Variants in EYS observed in about 807,000 individuals in gnomAD.
EYS encodes the protein EGF-like photoreceptor maintenance factor, also known as protein eyes shut homolog.
A neutral mutation model predicts 282.1 loss-of-function variants in EYS; 250 were observed. The observed-to-expected ratio is 0.89, with a 90% confidence interval of 0.80 to 0.98. The LOEUF is 0.98. EYS is among the 50% of genes least tolerant of loss of function. The pLI is 0.00. For synonymous variants in EYS, 1,355 were observed against 1,282.9 expected (o/e 1.06, Z -1.20); for missense variants, 4,016 against 3,709.0 (o/e 1.08, Z -2.15).
intron 2 of EYS, among the ~76,000 whole-genome samples, chr6:65,544,449 C>T (rs955669535): frequency 2.0e-5 from 3 of 152,044 alleles, no homozygotes; most frequent in Admixed American, 2.0e-4. Context: ...CAGTTTCCCC[C>T]ATCTGTTTTC....
chr6:64,104,609 A>G (rs1266075638), intron 31 of EYS, among the ~76,000 whole-genome samples: 5 of 151,722 alleles, frequency 3.3e-5, no homozygotes, highest in African/African-American at 1.2e-4. Context: ...GTCTTACTAT[A>G]GTAGTCAGTT....
At chr6:64,131,493 C>T (rs1323366481) in intron 31 of EYS, among the ~76,000 whole-genome samples, 1 of 152,164 alleles carries the variant, frequency 6.6e-6, no homozygotes, top group Non-Finnish European at 1.5e-5. Flanking sequence ...TACAGCCTCA[C>T]ATTGCCTGTG....
intron 32 of EYS, among the ~76,000 whole-genome samples, chr6:64,075,034 T>C (rs1771718081): frequency 6.6e-6 from 1 of 151,980 alleles, no homozygotes; most frequent in Non-Finnish European, 1.5e-5. Context: ...CTGTTTATCC[T>C]GGTGCTGCTT....
chr6:65,013,792 G>A (rs552581595), intron 13 of EYS, among the ~76,000 whole-genome samples: 1 of 152,266 alleles, frequency 6.6e-6, no homozygotes, highest in East Asian at 1.9e-4. Flanking sequence ...TTGAGCTTGG[G>A]AGGTCAAGTC....
At position 63,721,016 on chromosome 6, in the gene EYS, T is replaced by G. The variant is rs1768361467; in HGVS notation, c.9015A>C (p.Glu3005Asp). Reference protein sequence around the residue: ...IVWMGIAQNEENDFLAIGLHN... With the variant: ...IVWMGIAQNEDNDFLAIGLHN... ...GGAGACCAATTGCCAGAAAATCATT[T>G]TCTTCATTTTGAGCTATTCCCATCC... Residue 3005 changes from glutamate (E) to aspartate (D), a missense_variant, in exon 43 of 43, where the codon GAA (glutamate) becomes GAC (aspartate). Coordinates refer to ENST00000503581, the MANE Select transcript of EYS (RefSeq NM_001142800.2). 6.4e-7 allele frequency: 1 copy of G among 1,551,236 alleles called. No homozygotes were observed. Among genetic ancestry groups the G allele is most frequent in the South Asian group, 1.2e-5 (1 of 84,062 alleles).
chr6:64,626,772 C>A (rs537404503), intron 22 of EYS, among the ~76,000 whole-genome samples: 1 of 152,244 alleles, frequency 6.6e-6, no homozygotes, highest in South Asian at 2.1e-4. Context: ...TTTCTGTTAT[C>A]TTAAGCTAAC....
chr6:64,430,802 G>A (rs1402165679), intron 28 of EYS, among the ~76,000 whole-genome samples: 4 of 152,202 alleles, frequency 2.6e-5, no homozygotes, highest in Non-Finnish European at 4.4e-5. Flanking sequence ...TTCTAGTCCT[G>A]CCCCATTAAA....
At chr6:65,237,175 GA>G (rs1766948975) in intron 12 of EYS, among the ~76,000 whole-genome samples, 1 of 152,020 alleles carries the variant, frequency 6.6e-6, no homozygotes. Context: ...GCGAATAAAC[GA>G]AAGCCAAATA....
chr6:64,024,721 G>A (rs1482378552), intron 33 of EYS, among the ~76,000 whole-genome samples: 5 of 151,944 alleles, frequency 3.3e-5, no homozygotes, highest in Admixed American at 2.0e-4. Context: ...AACTCCAGAC[G>A]TGCCACCTTA....
intron 2 of EYS, among the ~76,000 whole-genome samples, chr6:65,531,244 G>A (rs2127308336): frequency 6.6e-6 from 1 of 152,130 alleles, no homozygotes; most frequent in East Asian, 1.9e-4. Flanking sequence ...GAAATAAACA[G>A]GCATTTATCT....
At chr6:64,614,061 T>C (rs535781311) in intron 24 of EYS, among the ~76,000 whole-genome samples, 1 of 152,138 alleles carries the variant, frequency 6.6e-6, no homozygotes, top group African/African-American at 2.4e-5. Flanking sequence ...GACTGAGACC[T>C]AATTATAGGA....
chr6:64,558,562 A>G (rs1484771002), intron 26 of EYS, among the ~76,000 whole-genome samples: 1 of 152,152 alleles, frequency 6.6e-6, no homozygotes, highest in Non-Finnish European at 1.5e-5. Flanking sequence ...AAAAAAACAC[A>G]AACTAATTAG....
rs528107575 is a variant in EYS, at chr6:64,122,343, G to A, written c.6425-40341C>T. 1.2e-4 allele frequency among the ~76,000 whole-genome samples: 18 copies of A among 152,138 alleles called. No individual in the cohort carries two copies. The South Asian group carries it at 3.7e-3, about 32-fold the overall frequency. ...AGAATACTGCCTTTTTATTGCTTGT[G>A]GATATGAATTAGTAGAGTAACTCAT... On this transcript the variant is annotated intron_variant, in intron 31 of 42. Transcript: ENST00000503581.
intron 35 of EYS, among the ~76,000 whole-genome samples, chr6:63,867,028 T>C (rs1772686415): frequency 1.3e-5 from 2 of 152,182 alleles, no homozygotes; most frequent in Non-Finnish European, 2.9e-5. Flanking sequence ...TCACAACTTC[T>C]TCAAAAGCTA....
At chr6:65,103,208 T>C (rs1774942136) in intron 12 of EYS, among the ~76,000 whole-genome samples, 1 of 151,474 alleles carries the variant, frequency 6.6e-6, no homozygotes, top group Non-Finnish European at 1.5e-5. Flanking sequence ...TCAAGAATCA[T>C]TAACCTATGA....
chr6:64,681,564 A>G (rs990539731), intron 22 of EYS, among the ~76,000 whole-genome samples: 2 of 152,188 alleles, frequency 1.3e-5, no homozygotes, highest in Non-Finnish European at 2.9e-5. Context: ...TAGGAATGTC[A>G]GGTGATGGTT....
At chr6:64,304,422 A>G (rs1561918915) in intron 30 of EYS, among the ~76,000 whole-genome samples, 1 of 152,220 alleles carries the variant, frequency 6.6e-6, no homozygotes, top group Non-Finnish European at 1.5e-5. Flanking sequence ...ACTTAACACA[A>G]CAAACCAACT....
intron 22 of EYS, among the ~76,000 whole-genome samples, chr6:64,690,242 G>A (rs1048137968): frequency 1.2e-4 from 18 of 152,084 alleles, no homozygotes; most frequent in African/African-American, 3.9e-4. Flanking sequence ...CATCATCACT[G>A]ACCATCAGAG....
chr6:64,937,284 G>T (rs531602580), intron 15 of EYS, among the ~76,000 whole-genome samples: 4 of 151,486 alleles, frequency 2.6e-5, no homozygotes, highest in Non-Finnish European at 4.4e-5. Flanking sequence ...AGTGGCAAAA[G>T]AAAATGAGTC....
Sources: allele counts gnomAD v4.1 joint callset (sites outside exome capture counted in the v4.1 genomes callset), GRCh38; gene constraint gnomAD v4.1.1; transcripts MANE v1.5; gene names NCBI Gene and HGNC (gene_info 2026-07-23, HGNC 2026-07-21).